The following KCND2 variants were observed in gnomAD, a reference collection of about 807,000 sequenced individuals.
The protein encoded by KCND2 is potassium voltage-gated channel subfamily D member 2, also known as A-type voltage-gated potassium channel KCND2.
In KCND2, 16 loss-of-function variants were observed where a neutral mutation model predicts 54.4. The ratio of observed to expected loss-of-function variants is 0.29; its 90% CI spans 0.20 to 0.45. The LOEUF is 0.45. Ranked by LOEUF, KCND2 falls within the 20% of genes least tolerant of loss-of-function variation. The pLI, the probability that KCND2 is intolerant of heterozygous loss-of-function variation, is 1.00. For synonymous variants in KCND2, 317 were observed against 310.7 expected (o/e 1.02, Z -0.21); for missense variants, 486 against 824.2 (o/e 0.59, Z 5.02).
At chr7:120,317,820 G>A (rs1206438506) in intron 1 of KCND2, among the ~76,000 whole-genome samples, 3 of 152,074 alleles carry the variant, frequency 2.0e-5, no homozygotes, top group Admixed American at 6.6e-5. Context: ...CAGTTTTATG[G>A]GAAGAATATA....
At chr7:120,403,162 A>C (rs1801290409) in intron 1 of KCND2, among the ~76,000 whole-genome samples, 1 of 152,150 alleles carries the variant, frequency 6.6e-6, no homozygotes. Context: ...ACCAAATTAT[A>C]ATATCTTAAT....
At chr7:120,698,422 G>A (rs971609575) in intron 1 of KCND2, among the ~76,000 whole-genome samples, 8 of 152,110 alleles carry the variant, frequency 5.3e-5, no homozygotes, top group African/African-American at 1.9e-4. Context: ...TTCCCAATTT[G>A]TTACATATAA....
At chr7:120,611,937 C>T (rs1476463371) in intron 1 of KCND2, among the ~76,000 whole-genome samples, 1 of 152,126 alleles carries the variant, frequency 6.6e-6, no homozygotes, top group African/African-American at 2.4e-5. Flanking sequence ...AGTAATAGTT[C>T]TGCTGAATTT....
intron 2 of KCND2, among the ~76,000 whole-genome samples, chr7:120,740,353 A>G (rs993168279): frequency 1.7e-4 from 26 of 152,078 alleles, no homozygotes; most frequent in African/African-American, 6.0e-4. Context: ...TTTTATTAAA[A>G]AGAGCATTCC....
intron 1 of KCND2, among the ~76,000 whole-genome samples, chr7:120,709,076 A>G (rs983261848): frequency 1.3e-5 from 2 of 152,146 alleles, no homozygotes; most frequent in Non-Finnish European, 2.9e-5. Context: ...CCGTGCTACC[A>G]AGGCTGCATA....
At chr7:120,575,314 G>A (rs551432419) in intron 1 of KCND2, among the ~76,000 whole-genome samples, 87 of 152,242 alleles carry the variant, frequency 5.7e-4, no homozygotes, top group Non-Finnish European at 1.1e-3. Context: ...ACTGGTGTAA[G>A]TCCTAGAGCC....
At chr7:120,605,522 T>C (rs1165873532) in intron 1 of KCND2, among the ~76,000 whole-genome samples, 1 of 152,230 alleles carries the variant, frequency 6.6e-6, no homozygotes, top group Non-Finnish European at 1.5e-5. Context: ...ATTCTGCTTT[T>C]GACATTCATG....
At chr7:120,376,493 AATAC>A (rs1325093925) in intron 1 of KCND2, among the ~76,000 whole-genome samples, 1 of 150,758 alleles carries the variant, frequency 6.6e-6, no homozygotes, top group African/African-American at 2.4e-5. Flanking sequence ...ATAAAATATA[AATAC>A]ATAGGCACAA....
At chr7:120,311,997 T>C (rs1372328294) in intron 1 of KCND2, among the ~76,000 whole-genome samples, 1 of 152,090 alleles carries the variant, frequency 6.6e-6, no homozygotes, top group African/African-American at 2.4e-5. Flanking sequence ...CTCCACCTCC[T>C]GGGTTCAAAC....
chr7:120,635,108 T>G (rs1177599054), intron 1 of KCND2, among the ~76,000 whole-genome samples: 1 of 152,380 alleles, frequency 6.6e-6, no homozygotes, highest in East Asian at 1.9e-4. Flanking sequence ...CTTTTACTTT[T>G]ACTTTTCTTC....
chr7:120,417,523 A>G (rs1232068356), intron 1 of KCND2, among the ~76,000 whole-genome samples: 2 of 152,208 alleles, frequency 1.3e-5, no homozygotes, highest in African/African-American at 4.8e-5. Context: ...AAAAATTAGC[A>G]GTTTTCAGAA....
chr7:120,489,758 T>C (rs1802750268), intron 1 of KCND2, among the ~76,000 whole-genome samples: 1 of 152,156 alleles, frequency 6.6e-6, no homozygotes, highest in Non-Finnish European at 1.5e-5. Context: ...ATCCTGAAGG[T>C]ACACAGAGGC....
At chr7:120,702,196 A>G (rs1421898990) in intron 1 of KCND2, among the ~76,000 whole-genome samples, 1 of 152,196 alleles carries the variant, frequency 6.6e-6, no homozygotes, top group Non-Finnish European at 1.5e-5. Flanking sequence ...GAAAAACTCA[A>G]CATCAGTGAT....
At chr7:120,648,522 G>C (rs1419106136) in intron 1 of KCND2, among the ~76,000 whole-genome samples, 1 of 152,282 alleles carries the variant, frequency 6.6e-6, no homozygotes, top group East Asian at 1.9e-4. Flanking sequence ...AAAGATGGAA[G>C]AAGGACCCTG....
chr7:120,385,556 C>T (rs1483491880), intron 1 of KCND2, among the ~76,000 whole-genome samples: 1 of 151,986 alleles, frequency 6.6e-6, no homozygotes, highest in Non-Finnish European at 1.5e-5. Flanking sequence ...TTATAATCTG[C>T]CATAAGAGAA....
chr7:120,361,399 C>CTT (rs879686467), intron 1 of KCND2, among the ~76,000 whole-genome samples: 2 of 146,122 alleles, frequency 1.4e-5, no homozygotes, highest in African/African-American at 5.0e-5. Context: ...CTCTCTCTCT[C>CTT]TTTTTTTTTT....
At chr7:120,518,840 G>C (rs1166597661) in intron 1 of KCND2, among the ~76,000 whole-genome samples, 1 of 152,124 alleles carries the variant, frequency 6.6e-6, no homozygotes, top group Non-Finnish European at 1.5e-5. Flanking sequence ...ACGTGAAAAA[G>C]ATTAGGGAGC....
In KCND2 at chr7:120,274,630, ATC is replaced by A; in HGVS notation, c.-2_-1del. On this transcript the variant is annotated 5_prime_UTR_variant, in exon 1 of 6. Transcript: ENST00000331113. ...ACCCTTCTTCCTTCCGCTTCAAGTA[ATC>A]ATGGCGGCGGGGGTGGCAGCGTGGC... The A allele has an allele frequency of 6.2e-7, 1 of 1,614,134 alleles. No homozygotes were observed. The highest frequency in any genetic ancestry group is 8.5e-7 in the Non-Finnish European group (1 of 1,180,034).
chr7:120,437,703 C>T (rs1474128065), intron 1 of KCND2, among the ~76,000 whole-genome samples: 1 of 152,118 alleles, frequency 6.6e-6, no homozygotes, highest in Non-Finnish European at 1.5e-5. Context: ...AGTGATGTTT[C>T]ACTTATTTCC....
Sources: gnomAD v4.1 joint callset for allele counts (sites outside exome capture counted in the v4.1 genomes callset) on GRCh38, gnomAD v4.1.1 for gene constraint, MANE v1.5 for transcripts, NCBI Gene and HGNC (gene_info 2026-07-23, HGNC 2026-07-21) for gene names.